DAPP1: variants seen among roughly 807,000 people sequenced by gnomAD.
DAPP1 encodes dual adaptor of phosphotyrosine and 3-phosphoinositides 1.
A neutral mutation model predicts 41.5 loss-of-function variants in DAPP1; 20 were observed. That is an observed-to-expected ratio of 0.48 (90% CI 0.34 to 0.70). The LOEUF (loss-of-function observed/expected upper bound fraction) is 0.70, where lower values mean the gene tolerates loss of function less well. Ranked by LOEUF, DAPP1 falls within the 30% of genes least tolerant of loss-of-function variation. The pLI is 0.01. For synonymous variants in DAPP1, 113 were observed against 116.2 expected (o/e 0.97, Z 0.18); for missense variants, 233 against 333.4 (o/e 0.70, Z 2.35).
rs1723706604 is a variant in DAPP1, at chr4:99,847,536, G to A, written c.359-5682G>A. Among the ~76,000 whole-genome samples the A allele has an allele frequency of 2.6e-5, 4 of 152,304 alleles. No homozygotes were observed. In the South Asian group the frequency reaches 8.3e-4, roughly 32 times the overall value. Reference sequence around the variant, plus strand: ...AAACCAGGTTTCATGTCAAAGGCAGGAAACAATAGTCACCTTTACGTAGTT... The same window carrying A: ...AAACCAGGTTTCATGTCAAAGGCAGAAAACAATAGTCACCTTTACGTAGTT... On this transcript the variant is annotated intron_variant, in intron 3 of 8. Transcript: ENST00000512369.
intron 5 of DAPP1, 145 bp from the exon 6 acceptor site, chr4:99,862,865 G>T (rs755268968): frequency 6.2e-5 from 33 of 536,570 alleles, no homozygotes; most frequent in Non-Finnish European, 9.6e-5. Flanking sequence ...TCTCAGAAAT[G>T]ACACAAAAGA....
chr4:99,860,903 T>TTAA (rs1176605637), intron 4 of DAPP1, among the ~76,000 whole-genome samples: 1 of 152,230 alleles, frequency 6.6e-6, no homozygotes, highest in African/African-American at 2.4e-5. Flanking sequence ...ATTTCGTAGG[T>TTAA]GTTAGCTAAG....
At chr4:99,857,373 TG>T (rs1341732646) in intron 4 of DAPP1, among the ~76,000 whole-genome samples, 3 of 152,178 alleles carry the variant, frequency 2.0e-5, no homozygotes, top group Non-Finnish European at 4.4e-5. Context: ...ACCAATTAGT[TG>T]TCTTGGTAGA....
chr4:99,840,010 C>T (rs1723441575), intron 2 of DAPP1, among the ~76,000 whole-genome samples: 1 of 152,144 alleles, frequency 6.6e-6, no homozygotes, highest in African/African-American at 2.4e-5. Flanking sequence ...TGCAGTGAGC[C>T]TAGATCATGC....
At chr4:99,864,515 A>T (rs975917067) in intron 7 of DAPP1, among the ~76,000 whole-genome samples, 2 of 152,180 alleles carry the variant, frequency 1.3e-5, no homozygotes, top group Non-Finnish European at 2.9e-5. Context: ...AGAATAAAAT[A>T]TCACATATAG....
At chr4:99,839,959 G>A (rs1407178768) in intron 2 of DAPP1, among the ~76,000 whole-genome samples, 1 of 152,246 alleles carries the variant, frequency 6.6e-6, no homozygotes, top group East Asian at 1.9e-4. Flanking sequence ...ATACTCAGGA[G>A]GCTGAGGCCA....
intron 4 of DAPP1, among the ~76,000 whole-genome samples, chr4:99,858,938 C>T (rs1244651456): frequency 1.3e-5 from 2 of 151,624 alleles, no homozygotes; most frequent in African/African-American, 4.8e-5. Context: ...GTCACTCTGT[C>T]TCCCAAGCTG....
intron 4 of DAPP1, among the ~76,000 whole-genome samples, chr4:99,856,744 C>T (rs1458284343): frequency 6.6e-6 from 1 of 152,056 alleles, no homozygotes; most frequent in East Asian, 1.9e-4. Context: ...TCTGGGTAAG[C>T]GTTGAAAAAT....
At chr4:99,860,626 GGTT>G (rs2110165101) in intron 4 of DAPP1, among the ~76,000 whole-genome samples, 1 of 152,208 alleles carries the variant, frequency 6.6e-6, no homozygotes, top group Non-Finnish European at 1.5e-5. Flanking sequence ...TGGTAGAGAT[GGTT>G]GTTCCTCTTT....
At position 99,820,542 on chromosome 4, in the gene DAPP1, T is replaced by A. The variant is rs192664209; in HGVS notation, c.101+3528T>A. On this transcript the variant is annotated intron_variant, in intron 1 of 8. Coordinates refer to ENST00000512369, the MANE Select transcript of DAPP1 (RefSeq NM_014395.3). ...ATACTTTCTCAAATCGAAAGTTGTA[T>A]AAGAAAGTGCCAGTGTTTGGCTGGA... 3.2e-3 allele frequency among the ~76,000 whole-genome samples: 481 copies of A among 152,374 alleles called. 4 individuals carry two copies. The highest frequency in any genetic ancestry group is 2.4e-3 in the Non-Finnish European group (164 of 68,044).
At chr4:99,866,183 C>A in intron 8 of DAPP1, 62 bp downstream of exon 8, 2 of 915,200 alleles carry the variant, frequency 2.2e-6, no homozygotes, top group Non-Finnish European at 1.8e-6. Context: ...TGATTTCAAA[C>A]ATATTTCTAT....
chr4:99,863,789 T>A lies in DAPP1; in HGVS notation c.620T>A (p.Ile207Asn). 3 of 1,595,432 alleles carry A rather than the reference T, an allele frequency of 1.9e-6. No homozygotes were observed. In the South Asian group the frequency reaches 3.4e-5, roughly 18 times the overall value. Residue 207 changes from isoleucine to asparagine, a missense_variant, in exon 7 of 9, where the codon ATC (isoleucine) becomes AAC (asparagine). Physicochemically the swap from Ile to Asn is moderately radical, Grantham distance 149. Coordinates refer to ENST00000512369, the MANE Select transcript of DAPP1 (RefSeq NM_014395.3). ...ATTTAGTCACCAGAACCAATTCGGA[T>A]CCTAGACCTAACAGAATGTTCAGCT... Reference protein sequence around the residue: ...KDQMSPEPIRILDLTECSAVQ... With the variant: ...KDQMSPEPIRNLDLTECSAVQ...
At chr4:99,839,005 G>A (rs1387313880) in intron 2 of DAPP1, among the ~76,000 whole-genome samples, 1 of 152,142 alleles carries the variant, frequency 6.6e-6, no homozygotes, top group Non-Finnish European at 1.5e-5. Flanking sequence ...CAAAGAGAAA[G>A]ACCGTTTCAG....
chr4:99,865,918 T>TATA (rs1724416689), intron 7 of DAPP1, 116 bp from the exon 8 acceptor site: 1 of 108,992 alleles, frequency 9.2e-6, no homozygotes, highest in Non-Finnish European at 1.8e-5. Flanking sequence ...TATATATATA[T>TATA]ATATATAATA....
Position 99,868,244 on chromosome 4 carries a change from T to C in DAPP1, c.*59T>C, listed in dbSNP as rs1416719159. 7.0e-7 allele frequency: 1 copy of C among 1,418,978 alleles called. No homozygotes were observed. The highest frequency in any genetic ancestry group is 1.0e-6 in the Non-Finnish European group (1 of 1,003,866). 87.9% of individuals were successfully genotyped at this position (1,418,978 alleles called of 1,614,324 possible). A position where few individuals can be genotyped will look rare whatever the true frequency, so the allele number is the denominator to read the frequency against. ...GCAAGGTGGAATGTTTCCCTGACGCTGTGATCTGCAGCAGGCTTCAAATGA... is the reference window on the plus strand; with the variant it reads ...GCAAGGTGGAATGTTTCCCTGACGCCGTGATCTGCAGCAGGCTTCAAATGA... On this transcript the variant is annotated 3_prime_UTR_variant, in exon 9 of 9. Coordinates refer to ENST00000512369, the MANE Select transcript of DAPP1 (RefSeq NM_014395.3).
chr4:99,840,082 GAATT>G (rs968201595), intron 2 of DAPP1, among the ~76,000 whole-genome samples: 1 of 151,898 alleles, frequency 6.6e-6, no homozygotes, highest in African/African-American at 2.4e-5. Context: ...ATAAATAAAT[GAATT>G]AATTAATTAA....
At chr4:99,831,759 A>G (rs1356367309) in intron 1 of DAPP1, among the ~76,000 whole-genome samples, 3 of 152,212 alleles carry the variant, frequency 2.0e-5, no homozygotes, top group Non-Finnish European at 4.4e-5. Flanking sequence ...CCAATACTTA[A>G]TACTATCCAA....
At position 99,819,750 on chromosome 4, in the gene DAPP1, T is replaced by C. The variant is rs1578338422; in HGVS notation, c.101+2736T>C. Among the ~76,000 whole-genome samples the C allele has an allele frequency of 3.4e-5, 5 of 147,256 alleles. 1 individual carries two copies. Among genetic ancestry groups the C allele is most frequent in the Admixed American group, 3.4e-4 (5 of 14,906 alleles). On this transcript the variant is annotated intron_variant, in intron 1 of 8. Transcript: ENST00000512369. ...GAGTAGTTAGATAAATCCTTACGTT[T>C]ATGTTTTTGATAGACATAAACAGAT...
intron 6 of DAPP1, 31 bp downstream of exon 6, chr4:99,863,103 A>G (rs1560709322): frequency 1.4e-6 from 2 of 1,441,762 alleles, no homozygotes; most frequent in Non-Finnish European, 1.9e-6. Flanking sequence ...TTTTTCCTTT[A>G]AAAATCAATT....
Sources: gnomAD v4.1 joint callset for allele counts (sites outside exome capture counted in the v4.1 genomes callset) on GRCh38, gnomAD v4.1.1 for gene constraint, MANE v1.5 for transcripts, NCBI Gene and HGNC (gene_info 2026-07-23, HGNC 2026-07-21) for gene names.